FRAS1: variants seen among roughly 807,000 people sequenced by gnomAD.
FRAS1 encodes extracellular matrix organizing protein FRAS1.
In FRAS1, 290 loss-of-function variants were observed where a neutral mutation model predicts 435.2. The observed-to-expected ratio is 0.67, with a 90% confidence interval of 0.61 to 0.73. The LOEUF is 0.73. Among genes scored for constraint, FRAS1 ranks in the 30% least tolerant of loss-of-function variants. The pLI, the probability that FRAS1 is intolerant of heterozygous loss-of-function variation, is 0.00. For missense variants in FRAS1, 4,860 were observed against 5,001.5 expected (o/e 0.97, Z 0.85); for synonymous variants, 1,800 against 1,851.0 (o/e 0.97, Z 0.71).
chr4:78,406,977 T>G (rs1733124570), intron 30 of FRAS1, among the ~76,000 whole-genome samples: 1 of 152,236 alleles, frequency 6.6e-6, no homozygotes, highest in Non-Finnish European at 1.5e-5. Context: ...CAGCCAAAAC[T>G]TGTTTCATGC....
At chr4:78,385,387 A>G (rs1183016914) in intron 28 of FRAS1, among the ~76,000 whole-genome samples, 1 of 152,176 alleles carries the variant, frequency 6.6e-6, no homozygotes, top group African/African-American at 2.4e-5. Flanking sequence ...TGATGTTTTT[A>G]TATCTTTGGT....
chr4:78,446,831 C>A lies in FRAS1; in HGVS notation c.5961C>A (p.Asp1987Glu). ...CTTCTTTGAGCCTGCAAGACCTGGA[C>A]ACCCCAGATAATGAGCTCATTTTTG... is the stretch of plus-strand genomic sequence containing the variant. ...SNSSLSLQDLDTPDNELIFVL... is the reference protein window; with the variant it reads ...SNSSLSLQDLETPDNELIFVL... Residue 1987 changes from aspartate (D) to glutamate (E), a missense_variant, in exon 43 of 74, where the codon GAC becomes GAA. Asp to Glu is a conservative substitution (Grantham distance 45). Coordinates refer to ENST00000512123, the MANE Select transcript of FRAS1 (RefSeq NM_025074.7). 6.2e-7 allele frequency: 1 copy of A among 1,612,522 alleles called. No individual in the cohort carries two copies. The highest frequency in any genetic ancestry group is 1.1e-5 in the South Asian group (1 of 90,658).
In FRAS1 at chr4:78,255,953, C is replaced by T. The variant is rs573246197; in HGVS notation, c.603+578C>T. 9.2e-5 allele frequency among the ~76,000 whole-genome samples: 14 copies of T among 152,224 alleles called. 1 individual carries two copies. The highest frequency in any genetic ancestry group is 1.3e-4 in the Admixed American group (2 of 15,290). On this transcript the variant is annotated intron_variant, in intron 6 of 73. Coordinates refer to ENST00000512123, the MANE Select transcript of FRAS1 (RefSeq NM_025074.7). ...ATCAATTGTAAATAAATGTGGTATA[C>T]GTGGTATTTTATATTATAGTTTTTT...
At chr4:78,473,374 T>C (rs1719765440) in intron 52 of FRAS1, 64 bp from the exon 53 acceptor site, 2 of 1,332,914 alleles carry the variant, frequency 1.5e-6, no homozygotes, top group Non-Finnish European at 1.0e-6. Context: ...TTTGTTGGTG[T>C]GGTAATCTAT....
chr4:78,169,358 C>A (rs540190940), intron 2 of FRAS1, among the ~76,000 whole-genome samples: 1 of 151,968 alleles, frequency 6.6e-6, no homozygotes, highest in Non-Finnish European at 1.5e-5. Flanking sequence ...CATGGGCTGG[C>A]GCAGGGGATG....
intron 2 of FRAS1, among the ~76,000 whole-genome samples, chr4:78,128,634 A>G (rs902900753): frequency 6.6e-6 from 1 of 151,958 alleles, no homozygotes; most frequent in Non-Finnish European, 1.5e-5. Context: ...GTTTGAGTTC[A>G]TTGTAGATTC....
At position 78,265,069 on chromosome 4, in the gene FRAS1, C is replaced by T. The variant is rs1375149869; in HGVS notation, c.648C>T (p.Cys216=). The part of the protein sequence containing the change: ...VRVPGKCCPQ[C]SARSCSAAGQ... ...TCCCTGGAAAATGTTGCCCGCAGTG[C>T]TCTGCAAGATCCTGCTCTGCAGCTG... Residue 216 remains cysteine, a synonymous_variant, in exon 7 of 74, where the codon TGC becomes TGT. Coordinates refer to ENST00000512123, the MANE Select transcript of FRAS1 (RefSeq NM_025074.7). 2 of 1,613,366 alleles carry T rather than the reference C, an allele frequency of 1.2e-6. No individual in the cohort carries two copies. Among genetic ancestry groups the T allele is most frequent in the South Asian group, 2.2e-5 (2 of 90,950 alleles).
chr4:78,171,957 A>G (rs1247636507), intron 2 of FRAS1, among the ~76,000 whole-genome samples: 1 of 151,812 alleles, frequency 6.6e-6, no homozygotes, highest in Non-Finnish European at 1.5e-5. Flanking sequence ...TTACATGACC[A>G]TTTCTTTCCT....
chr4:78,384,979 T>C (rs1732167345), intron 28 of FRAS1, among the ~76,000 whole-genome samples: 1 of 151,768 alleles, frequency 6.6e-6, no homozygotes, highest in African/African-American at 2.4e-5. Flanking sequence ...CTCTCTAGTA[T>C]GTGGAATTTG....
rs781420005 is a variant in FRAS1, at chr4:78,451,767, T to G, written c.6464-5T>G. 67 of 1,582,970 alleles carry G rather than the reference T, an allele frequency of 4.2e-5. 1 individual carries two copies. In the East Asian group the frequency reaches 1.4e-3, roughly 34 times the overall value. ...GCAAATCTTGATTTTTTTTCCTTTT[T>G]ATAGGCCACGTAGAATATAGTCATG... On this transcript the variant is annotated splice_polypyrimidine_tract_variant and splice_region_variant and intron_variant, in intron 45 of 73. Coordinates refer to ENST00000512123, the MANE Select transcript of FRAS1 (RefSeq NM_025074.7).
At chr4:78,221,432 CTT>C (rs1724046262) in intron 2 of FRAS1, among the ~76,000 whole-genome samples, 1 of 152,122 alleles carries the variant, frequency 6.6e-6, no homozygotes, top group Non-Finnish European at 1.5e-5. Flanking sequence ...GTATTAGAAA[CTT>C]TAAAAAATTT....
intron 28 of FRAS1, among the ~76,000 whole-genome samples, chr4:78,384,377 A>G (rs1732138517): frequency 6.6e-6 from 1 of 152,192 alleles, no homozygotes; most frequent in Non-Finnish European, 1.5e-5. Flanking sequence ...TGTTTCACGT[A>G]AGTAACTCAG....
At chr4:78,239,117 A>G (rs1724889227) in intron 3 of FRAS1, among the ~76,000 whole-genome samples, 1 of 152,146 alleles carries the variant, frequency 6.6e-6, no homozygotes, top group Non-Finnish European at 1.5e-5. Flanking sequence ...CTCAAAAGCT[A>G]AATATTTACT....
intron 2 of FRAS1, among the ~76,000 whole-genome samples, chr4:78,103,883 G>T (rs937872702): frequency 6.6e-6 from 1 of 152,162 alleles, no homozygotes; most frequent in East Asian, 1.9e-4. Flanking sequence ...AATGGACTAC[G>T]ACACAGTTCT....
chr4:78,448,389 T>G, intron 44 of FRAS1, 73 bp downstream of exon 44: 1 of 1,383,762 alleles, frequency 7.2e-7, no homozygotes, highest in Non-Finnish European at 9.7e-7. Flanking sequence ...ATGCAGTACT[T>G]TCTTCCATGT....
At chr4:78,185,118 G>A (rs1236125529) in intron 2 of FRAS1, among the ~76,000 whole-genome samples, 1 of 152,238 alleles carries the variant, frequency 6.6e-6, no homozygotes, top group Non-Finnish European at 1.5e-5. Context: ...TTTTCAAGAT[G>A]TGTTGATGAG....
At chr4:78,203,398 T>G (rs1193831593) in intron 2 of FRAS1, among the ~76,000 whole-genome samples, 2 of 152,200 alleles carry the variant, frequency 1.3e-5, no homozygotes, top group African/African-American at 4.8e-5. Context: ...AATTTGTTTG[T>G]AACCCCCAAA....
In FRAS1 at chr4:78,407,790, AT is replaced by A. The variant is rs1560710311; in HGVS notation, c.4258del (p.Trp1420GlyfsTer55). 3.7e-6 allele frequency: 6 copies of A among 1,613,828 alleles called. No homozygotes were observed. The highest frequency in any genetic ancestry group is 5.1e-6 in the Non-Finnish European group (6 of 1,179,820). On this transcript the variant is annotated frameshift_variant, in exon 31 of 74. Coordinates refer to ENST00000512123, the MANE Select transcript of FRAS1 (RefSeq NM_025074.7). LOFTEE classifies it high-confidence loss of function. ...AGCAGGACATCAATGAAGGCATCGT[AT>A]GGTACAGGCACTCAGGAGCCCCAGC... is the stretch of plus-strand genomic sequence containing the variant. ...TQQDINEGIV[W>X]YRHSGAPAQS... is the part of the protein sequence containing the mutation.
At chr4:78,443,880 G>A (rs143091909) in intron 41 of FRAS1, among the ~76,000 whole-genome samples, 115 of 152,022 alleles carry the variant, frequency 7.6e-4, no homozygotes, top group Non-Finnish European at 1.5e-3. Flanking sequence ...ACAGGGTCTC[G>A]CCTCATTGCC....
Sources: gnomAD v4.1 joint callset for allele counts (sites outside exome capture counted in the v4.1 genomes callset) on GRCh38, gnomAD v4.1.1 for gene constraint, MANE v1.5 for transcripts, NCBI Gene and HGNC (gene_info 2026-07-23, HGNC 2026-07-21) for gene names.